SLC24A2: variants seen among roughly 807,000 people sequenced by gnomAD.
The protein encoded by SLC24A2 is sodium/potassium/calcium exchanger 2.
SLC24A2 carries 36 observed loss-of-function variants against 62.0 expected under a neutral mutation model. The ratio of observed to expected loss-of-function variants is 0.58; its 90% CI spans 0.44 to 0.77. The LOEUF (loss-of-function observed/expected upper bound fraction) is 0.77. Among genes scored for constraint, SLC24A2 ranks in the 30% least tolerant of loss-of-function variants. The probability of loss-of-function intolerance (pLI) is 0.00; values close to 1 mark genes in which losing one functional copy is unlikely to be tolerated. For missense variants in SLC24A2, 846 were observed against 817.9 expected (o/e 1.03, Z -0.42); for synonymous variants, 358 against 294.0 (o/e 1.22, Z -2.23).
the SLC24A2 span, among the ~76,000 whole-genome samples, chr9:20,267,772 A>AT: frequency 1.3e-5 from 2 of 152,096 alleles, no homozygotes; most frequent in Non-Finnish European, 2.9e-5. Flanking sequence ...AGGAAACACA[A>AT]TTTTTTTTAA....
At chr9:20,235,531 A>G in the SLC24A2 span, among the ~76,000 whole-genome samples, 6 of 152,246 alleles carry the variant, frequency 3.9e-5, no homozygotes, top group African/African-American at 1.4e-4. Context: ...CCTCTGAGCC[A>G]TATGCGGGAT....
the SLC24A2 span, among the ~76,000 whole-genome samples, chr9:19,799,139 T>C: frequency 6.6e-6 from 1 of 152,172 alleles, no homozygotes; most frequent in Admixed American, 6.5e-5. Flanking sequence ...ATTTGTTTTC[T>C]TATATTCAAT....
chr9:19,865,634 A>G, the SLC24A2 span, among the ~76,000 whole-genome samples: 1 of 152,140 alleles, frequency 6.6e-6, no homozygotes, highest in Non-Finnish European at 1.5e-5. Context: ...TGCTGGGAAA[A>G]CTGGATATCC....
intron 2 of SLC24A2, among the ~76,000 whole-genome samples, chr9:19,642,099 T>C (rs985053558): frequency 2.0e-5 from 3 of 151,990 alleles, no homozygotes; most frequent in Admixed American, 6.6e-5. Flanking sequence ...GGTCAGGGTA[T>C]AGGGAGAGAC....
chr9:20,185,917 C>T, the SLC24A2 span, among the ~76,000 whole-genome samples: 1 of 152,148 alleles, frequency 6.6e-6, no homozygotes. Context: ...TACTGAACTC[C>T]AGCTGTATGC....
the SLC24A2 span, among the ~76,000 whole-genome samples, chr9:20,019,253 GAGAAAGAAAGAAAGAA>G: frequency 0.014 from 1,519 of 109,738 alleles, 19 homozygotes; most frequent in Non-Finnish European, 0.02. Context: ...AAGAAGGAAA[GAGAAAGAAAGAAAGAA>G]AGAAAGAAAG....
the SLC24A2 span, among the ~76,000 whole-genome samples, chr9:20,053,375 A>C: frequency 6.6e-6 from 1 of 152,010 alleles, no homozygotes; most frequent in Admixed American, 6.6e-5. Context: ...GGAGAGGGTA[A>C]CTTTTTGTCC....
chr9:19,914,326 C>G, the SLC24A2 span, among the ~76,000 whole-genome samples: 1 of 151,654 alleles, frequency 6.6e-6, no homozygotes, highest in Non-Finnish European at 1.5e-5. Context: ...ACACATGCCT[C>G]CTAAACATGT....
the SLC24A2 span, among the ~76,000 whole-genome samples, chr9:20,229,045 G>A: frequency 6.6e-6 from 1 of 152,124 alleles, no homozygotes; most frequent in Non-Finnish European, 1.5e-5. Context: ...ACATAACTGT[G>A]TTATTTCTCT....
At chr9:19,572,339 G>C (rs927191757) in intron 7 of SLC24A2, among the ~76,000 whole-genome samples, 2 of 150,326 alleles carry the variant, frequency 1.3e-5, no homozygotes, top group African/African-American at 4.9e-5. Context: ...AACATATGTT[G>C]ATATGGTTTG....
At chr9:20,032,421 T>TTCAC in the SLC24A2 span, among the ~76,000 whole-genome samples, 2 of 151,886 alleles carry the variant, frequency 1.3e-5, no homozygotes, top group African/African-American at 4.8e-5. Flanking sequence ...TGAATTAGTA[T>TTCAC]TAATTAGTTT....
chr9:19,807,866 T>TTTTG, the SLC24A2 span, among the ~76,000 whole-genome samples: 5 of 152,288 alleles, frequency 3.3e-5, no homozygotes, highest in Non-Finnish European at 5.9e-5. Context: ...CCCACTCGTT[T>TTTTG]TTTGTTTGTT....
chr9:20,272,397 A>G, the SLC24A2 span, among the ~76,000 whole-genome samples: 1 of 152,146 alleles, frequency 6.6e-6, no homozygotes, highest in African/African-American at 2.4e-5. Flanking sequence ...CATCCTGACA[A>G]GTATGTTTAG....
intron 8 of SLC24A2, among the ~76,000 whole-genome samples, chr9:19,530,086 T>C (rs1253759280): frequency 6.6e-6 from 1 of 151,554 alleles, no homozygotes; most frequent in African/African-American, 2.4e-5. Context: ...AGCTTTTTTT[T>C]TTTTTTTTTT....
chr9:19,670,000 C>T (rs142027132), intron 2 of SLC24A2, among the ~76,000 whole-genome samples: 179 of 152,340 alleles, frequency 1.2e-3, no homozygotes, highest in Non-Finnish European at 1.9e-3. Context: ...TTAGATGGGT[C>T]TGCCTCAAGA....
the SLC24A2 span, among the ~76,000 whole-genome samples, chr9:20,213,734 A>G: frequency 6.6e-6 from 1 of 152,224 alleles, no homozygotes; most frequent in Non-Finnish European, 1.5e-5. Flanking sequence ...TTGCTCAGGA[A>G]CTTAAAAACT....
chr9:19,840,383 G>GA, the SLC24A2 span, among the ~76,000 whole-genome samples: 13,553 of 152,104 alleles, frequency 0.089, 681 homozygotes, highest in African/African-American at 0.15. Context: ...ACTAAAAATG[G>GA]AAAGAGGAAC....
At chr9:20,023,544 A>G in the SLC24A2 span, among the ~76,000 whole-genome samples, 1 of 149,786 alleles carries the variant, frequency 6.7e-6, no homozygotes, top group Non-Finnish European at 1.5e-5. Flanking sequence ...AGTTCATTTC[A>G]TTTGCATTCA....
the SLC24A2 span, among the ~76,000 whole-genome samples, chr9:19,839,985 G>A: frequency 5.1e-3 from 783 of 152,268 alleles, 9 homozygotes; most frequent in African/African-American, 0.018. Flanking sequence ...TACACTCTGT[G>A]TTGTTTGAAC....
Sources: allele counts gnomAD v4.1 joint callset (sites outside exome capture counted in the v4.1 genomes callset), GRCh38; gene constraint gnomAD v4.1.1; transcripts MANE v1.5; gene names NCBI Gene and HGNC (gene_info 2026-07-23, HGNC 2026-07-21).